Variants in PARG observed in about 807,000 individuals in gnomAD.
PARG encodes poly(ADP-ribose) glycohydrolase.
A neutral mutation model predicts 113.0 loss-of-function variants in PARG; 35 were observed. The ratio of observed to expected loss-of-function variants is 0.31; its 90% CI spans 0.24 to 0.41. PARG has a LOEUF of 0.41. Among genes scored for constraint, PARG ranks in the 10% least tolerant of loss-of-function variants. The probability of loss-of-function intolerance (pLI) is 1.00; values close to 1 mark genes in which losing one functional copy is unlikely to be tolerated. For synonymous variants in PARG, 330 were observed against 409.9 expected (o/e 0.81, Z 2.36); for missense variants, 797 against 1,169.4 (o/e 0.68, Z 4.64).
At chr10:49,857,185 T>C in intron 13 of PARG, 121 bp downstream of exon 13, 1 of 573,284 alleles carries the variant, frequency 1.7e-6, no homozygotes. Context: ...AATTAATGGA[T>C]AAAAATATTG....
At position 49,849,024 on chromosome 10, in the gene PARG, C is replaced by T. The variant is rs1262382964; in HGVS notation, c.2354-5392G>A. ...CAGCCTGACCAACATGGAGAAACCC[C>T]GTCTCTACTAAAAATACAAAATTAG... is the stretch of plus-strand genomic sequence containing the variant. On this transcript the variant is annotated intron_variant, in intron 13 of 17. Transcript: ENST00000616448. Among the ~76,000 whole-genome samples, 10 of 152,044 alleles carry T rather than the reference C, an allele frequency of 6.6e-5. No homozygotes were observed. In the South Asian group the frequency reaches 1.5e-3, roughly 22 times the overall value.
At chr10:49,821,648 G>GA (rs1844087150) in intron 16 of PARG, among the ~76,000 whole-genome samples, 3 of 152,144 alleles carry the variant, frequency 2.0e-5, no homozygotes, top group Non-Finnish European at 4.4e-5. Flanking sequence ...CCAAAGTGTG[G>GA]GGATTACAGG....
Position 49,933,955 on chromosome 10 carries a change from C to T in PARG, c.493G>A (p.Glu165Lys). 6.3e-7 allele frequency: 1 copy of T among 1,599,484 alleles called. No individual in the cohort carries two copies. The highest frequency in any genetic ancestry group is 1.1e-5 in the South Asian group (1 of 90,766). ...TGAGGTTCACTTTCCAAAAGCTGCT[C>T]CGTGTGTTTCCCTTCATTTTGCCAC... ...CKWQNEGKHTEQLLESEPQTV... is the reference protein window; with the variant it reads ...CKWQNEGKHTKQLLESEPQTV... The change falls in exon 3 of 18, where the codon GAG becomes AAG. Residue 165 changes from glutamate (E) to lysine (K), a missense_variant. By Grantham distance (56) the Glu-to-Lys change is moderately conservative. Coordinates refer to ENST00000616448, the MANE Select transcript of PARG (RefSeq NM_003631.5).
chr10:49,839,820 A>G (rs968324350), intron 15 of PARG, among the ~76,000 whole-genome samples: 3 of 152,236 alleles, frequency 2.0e-5, no homozygotes, highest in African/African-American at 7.2e-5. Flanking sequence ...GTATTCATGT[A>G]TTAACTGTGG....
intron 1 of PARG, among the ~76,000 whole-genome samples, chr10:49,938,393 A>T (rs1271047649): frequency 8.5e-5 from 13 of 152,112 alleles, no homozygotes; most frequent in Non-Finnish European, 1.3e-4. Flanking sequence ...CATCAGCAAC[A>T]TTATTCAGTA....
At chr10:49,864,926 T>G (rs1846423287) in intron 11 of PARG, among the ~76,000 whole-genome samples, 1 of 149,144 alleles carries the variant, frequency 6.7e-6, no homozygotes, top group African/African-American at 2.5e-5. Flanking sequence ...ATAAAAAGAC[T>G]TTTCTCAATC....
chr10:49,833,707 C>A (rs1554830685), intron 15 of PARG, among the ~76,000 whole-genome samples: 1 of 152,164 alleles, frequency 6.6e-6, no homozygotes, highest in Non-Finnish European at 1.5e-5. Flanking sequence ...GCTAGTTGGT[C>A]TTTCTGCCTT....
intron 6 of PARG, among the ~76,000 whole-genome samples, chr10:49,918,914 T>C (rs1310929068): frequency 6.6e-6 from 1 of 152,188 alleles, no homozygotes; most frequent in Non-Finnish European, 1.5e-5. Context: ...GTAAGCAGAC[T>C]GTGTAAGTTA....
intron 15 of PARG, 40 bp from the exon 16 acceptor site, chr10:49,832,948 G>C (rs1554830565): frequency 1.0e-6 from 1 of 993,250 alleles, no homozygotes; most frequent in Non-Finnish European, 1.5e-6. Context: ...TGAGTGCCTA[G>C]ACACTAACAG....
chr10:49,884,024 ATG>A (rs1472769964), intron 8 of PARG, among the ~76,000 whole-genome samples: 4 of 152,122 alleles, frequency 2.6e-5, no homozygotes, highest in African/African-American at 9.7e-5. Flanking sequence ...AGAGAGGCCC[ATG>A]TCAGGGCGTT....
chr10:49,838,058 T>C (rs1845030460), intron 15 of PARG, among the ~76,000 whole-genome samples: 1 of 152,218 alleles, frequency 6.6e-6, no homozygotes, highest in Non-Finnish European at 1.5e-5. Flanking sequence ...ATATTCTCAA[T>C]GATTTAAGTT....
intron 7 of PARG, among the ~76,000 whole-genome samples, chr10:49,914,667 C>G (rs1837370847): frequency 6.6e-6 from 1 of 152,152 alleles, no homozygotes; most frequent in Non-Finnish European, 1.5e-5. Context: ...ACCAAAGCTA[C>G]AGGACACACA....
chr10:49,922,355 G>A lies in PARG; in HGVS notation c.1643C>T (p.Thr548Ile), dbSNP rs562121898. The change falls in exon 6 of 18, where the codon ACA becomes ATA. Residue 548 changes from threonine (T) to isoleucine (I), a missense_variant. By Grantham distance (89) the Thr-to-Ile change is moderately conservative. This residue lies in a region of PARG where 252 missense variants were observed against 437.4 expected (regional missense o/e 0.58). Transcript: ENST00000616448. ...LIQTALLNKF[T>I]RPQNLKDAIL... ...ACATACCTTCAAGTTTTGGGGTCGT[G>A]TAAATTTGTTGAGAAGTGCAGTCTG... The A allele has an allele frequency of 1.9e-5, 30 of 1,604,040 alleles. No individual in the cohort carries two copies. In the South Asian group the frequency reaches 2.7e-4, roughly 14 times the overall value.
chr10:49,922,263 A>T, intron 6 of PARG, 73 bp downstream of exon 6: 1 of 1,503,124 alleles, frequency 6.7e-7, no homozygotes, highest in Non-Finnish European at 9.0e-7. Flanking sequence ...ACCTGAGTCT[A>T]TTAAGACCAA....
rs1160680179 is a variant in PARG at position 49,832,849 on chromosome 10, T to C, written c.2601A>G (p.Thr867=). The C allele has an allele frequency of 1.9e-6, 3 of 1,550,612 alleles. No individual in the cohort carries two copies. The highest frequency in any genetic ancestry group is 2.7e-5 in the African/African-American group (2 of 73,008). ...VSSENLSAVA[T]GNWGCGAFGG... ...CAAAGGCACCACAGCCCCAGTTTCC[T>C]GTGGCCACTGCAGAAAGATTCTCTG... The change falls in exon 16 of 18, where the codon ACA becomes ACG. Residue 867 remains threonine (T), a synonymous_variant. Coordinates refer to ENST00000616448, the MANE Select transcript of PARG (RefSeq NM_003631.5).
At chr10:49,892,290 A>C (rs1430273864) in intron 7 of PARG, among the ~76,000 whole-genome samples, 1 of 152,154 alleles carries the variant, frequency 6.6e-6, no homozygotes, top group African/African-American at 2.4e-5. Context: ...AAGAAAAGAA[A>C]TATTACCCAC....
intron 13 of PARG, among the ~76,000 whole-genome samples, chr10:49,852,760 T>C (rs1845814241): frequency 6.6e-6 from 1 of 151,436 alleles, no homozygotes; most frequent in African/African-American, 2.4e-5. Context: ...GAGATGGGGT[T>C]TCACCGTGTT....
chr10:49,933,957 G>A lies in PARG; in HGVS notation c.491C>T (p.Thr164Met), dbSNP rs1383860061. Residue 164 changes from threonine (T) to methionine (M), a missense_variant, in exon 3 of 18, where the codon ACG (threonine) becomes ATG (methionine). Physicochemically the swap from Thr to Met is moderately conservative, Grantham distance 81 (BLOSUM62 -1). Coordinates refer to ENST00000616448, the MANE Select transcript of PARG (RefSeq NM_003631.5). ...AGGTTCACTTTCCAAAAGCTGCTCC[G>A]TGTGTTTCCCTTCATTTTGCCACTT... is the stretch of plus-strand genomic sequence containing the variant. ...MCKWQNEGKHTEQLLESEPQT... is the reference protein window; with the variant it reads ...MCKWQNEGKHMEQLLESEPQT... 34 of 1,597,764 alleles carry A rather than the reference G, an allele frequency of 2.1e-5. No individual in the cohort carries two copies. The highest frequency in any genetic ancestry group is 1.7e-4 in the African/African-American group (13 of 74,706).
intron 10 of PARG, chr10:49,867,055 T>C (rs1363118914): frequency 6.6e-6 from 1 of 152,162 alleles, no homozygotes; most frequent in African/African-American, 2.4e-5. Context: ...ACATCTTTTA[T>C]AATGGAGGTA....
Sources: gnomAD v4.1 joint callset for allele counts (sites outside exome capture counted in the v4.1 genomes callset) on GRCh38, gnomAD v4.1.1 for gene constraint, gnomAD v4.1.1 regional missense constraint, MANE v1.5 for transcripts, NCBI Gene and HGNC (gene_info 2026-07-23, HGNC 2026-07-21) for gene names.